The following ZNF37A variants were observed in gnomAD, a reference collection of about 807,000 sequenced individuals.
ZNF37A encodes zinc finger protein 37a (KOX 21).
A neutral mutation model predicts 12.3 loss-of-function variants in ZNF37A; 10 were observed. The observed-to-expected ratio is 0.82, with a 90% confidence interval of 0.50 to 1.38. The LOEUF is 1.38. Among genes scored for constraint, ZNF37A ranks in the 40% most tolerant of loss-of-function variants. ZNF37A has a pLI of 0.00. For synonymous variants in ZNF37A, 207 were observed against 223.0 expected, an observed-to-expected ratio of 0.93 and a Z score of 0.64; for missense variants, 580 against 651.2, an observed-to-expected ratio of 0.89 and a Z score of 1.19.
chr10:38,097,138 C>T (rs938505773), intron 5 of ZNF37A, among the ~76,000 whole-genome samples: 2 of 152,204 alleles, frequency 1.3e-5, no homozygotes, highest in Admixed American at 1.3e-4. Context: ...GAACATAAAA[C>T]AGTTTGTCAA....
At position 38,115,066 on chromosome 10, in the gene ZNF37A, A is replaced by AGTGTGTGTGTGTGTGT. The variant is rs56124182; in HGVS notation, c.143-94_143-79dup. On this transcript the variant is annotated intron_variant, in intron 6 of 7. Coordinates refer to ENST00000685332, the MANE Select transcript of ZNF37A (RefSeq NM_001324250.3). ...CTGCCCCCATGACAGGATTAAATGA[A>AGTGTGTGTGTGTGTGT]GTGTGTGTGTGTGTGTGTGTGTGTG... 1.7e-4 allele frequency: 105 copies of AGTGTGTGTGTGTGTGT among 621,542 alleles called. 1 individual carries two copies. The highest frequency in any genetic ancestry group is 2.9e-4 in the South Asian group (11 of 37,406). The allele number at this position is 621,542 out of a possible 1,614,324, so 38.5% of individuals were successfully genotyped here.
chr10:38,133,113 A>AC (rs1321737423), intron 7 of ZNF37A, among the ~76,000 whole-genome samples: 1 of 152,146 alleles, frequency 6.6e-6, no homozygotes, highest in Non-Finnish European at 1.5e-5. Context: ...TGCATGTAAT[A>AC]TATTTTACTA....
downstream of ZNF37A, among the ~76,000 whole-genome samples, chr10:38,126,200 A>G (rs1590936792): frequency 1.3e-5 from 2 of 152,228 alleles, no homozygotes; most frequent in Admixed American, 6.5e-5. Flanking sequence ...CAATAAACCA[A>G]TCGTTAGGAC....
At chr10:38,129,304 T>TAAAAAAAAAAAAAA (rs775705417), downstream of ZNF37A, among the ~76,000 whole-genome samples, 44 of 56,870 alleles carry the variant, frequency 7.7e-4, no homozygotes, top group African/African-American at 1.8e-3. Flanking sequence ...AGACTCTGTC[T>TAAAAAAAAAAAAAA]AAAAAAAAAA....
At chr10:38,111,072 T>C (rs1037572316) in intron 5 of ZNF37A, among the ~76,000 whole-genome samples, 1 of 152,120 alleles carries the variant, frequency 6.6e-6, no homozygotes, top group African/African-American at 2.4e-5. Flanking sequence ...AGCAAAGACT[T>C]GGAACCAACC....
intron 7 of ZNF37A, among the ~76,000 whole-genome samples, chr10:38,144,721 G>T (rs962384216): frequency 2.6e-5 from 4 of 152,030 alleles, no homozygotes; most frequent in African/African-American, 9.7e-5. Flanking sequence ...CTGCTTGGAT[G>T]AAGTTGAAAA....
intron 5 of ZNF37A, among the ~76,000 whole-genome samples, chr10:38,107,738 G>A (rs1196377398): frequency 6.6e-6 from 1 of 152,138 alleles, no homozygotes; most frequent in Non-Finnish European, 1.5e-5. Context: ...AACCAACGAA[G>A]ATCAAAAGAG....
intron 5 of ZNF37A, among the ~76,000 whole-genome samples, chr10:38,097,707 C>A (rs1409744568): frequency 6.7e-6 from 1 of 150,094 alleles, no homozygotes; most frequent in Non-Finnish European, 1.5e-5. Flanking sequence ...ATGTGGCAGG[C>A]TTTGTGACAG....
In ZNF37A at chr10:38,114,803, T is replaced by C. The variant is rs1193572147; in HGVS notation, c.64T>C (p.Trp22Arg). The C allele has an allele frequency of 3.7e-6, 6 of 1,613,460 alleles. No homozygotes were observed. The highest frequency in any genetic ancestry group is 5.1e-6 in the Non-Finnish European group (6 of 1,179,908). ...DVTVGFTQEE[W>R]QHLDPAQRTL... ...GACTGTGGGCTTCACTCAAGAGGAG[T>C]GGCAGCATCTGGACCCTGCTCAGAG... The change falls in exon 6 of 8, where the codon TGG becomes CGG. Residue 22 changes from tryptophan (W) to arginine (R), a missense_variant. Coordinates refer to ENST00000685332, the MANE Select transcript of ZNF37A (RefSeq NM_001324250.3).
intron 5 of ZNF37A, among the ~76,000 whole-genome samples, chr10:38,109,672 A>G (rs2068464359): frequency 6.6e-6 from 1 of 152,226 alleles, no homozygotes; most frequent in Non-Finnish European, 1.5e-5. Flanking sequence ...ACGTGCAAAA[A>G]TGACCACCAG....
chr10:38,106,009 T>G (rs2068046364), intron 5 of ZNF37A, among the ~76,000 whole-genome samples: 1 of 152,246 alleles, frequency 6.6e-6, no homozygotes, highest in African/African-American at 2.4e-5. Context: ...GGCTAGAACT[T>G]TTAATACAGT....
intron 7 of ZNF37A, chr10:38,139,644 G>C (rs1014677449): frequency 6.6e-6 from 1 of 152,146 alleles, no homozygotes; most frequent in African/African-American, 2.4e-5. Context: ...GGGATTATAG[G>C]TGTACACCAC....
exon 8 of ZNF37A, chr10:38,150,073 C>T (rs892527655): frequency 2.4e-4 from 36 of 152,272 alleles, no homozygotes; most frequent in African/African-American, 8.0e-4. Flanking sequence ...CATCTTGTAC[C>T]TGCACTTGCA....
At chr10:38,098,361 A>C (rs1389422202) in intron 5 of ZNF37A, among the ~76,000 whole-genome samples, 1 of 152,186 alleles carries the variant, frequency 6.6e-6, no homozygotes, top group Non-Finnish European at 1.5e-5. Context: ...TCATATGGTA[A>C]GTTTACGTTT....
At chr10:38,139,363 G>A (rs545717779) in intron 7 of ZNF37A, 97 of 151,874 alleles carry the variant, frequency 6.4e-4, no homozygotes, top group African/African-American at 2.2e-3. Context: ...TTCTTCAATG[G>A]TTTGATATAT....
At position 38,124,573 on chromosome 10, in the gene ZNF37A, C is replaced by G. The variant is rs1204763602; in HGVS notation, c.*5736C>G. The G allele has an allele frequency of 6.6e-6, 1 of 152,034 alleles. No individual in the cohort carries two copies. Among genetic ancestry groups the G allele is most frequent in the Non-Finnish European group, 1.5e-5 (1 of 68,000 alleles). 9.4% of individuals were successfully genotyped at this position (152,034 alleles called of 1,614,324 possible). A position where few individuals can be genotyped will look rare whatever the true frequency, so the allele number is the denominator to read the frequency against. On this transcript the variant is annotated 3_prime_UTR_variant, in exon 8 of 8. Coordinates refer to ENST00000685332, the MANE Select transcript of ZNF37A (RefSeq NM_001324250.3). ...TCATGTACCCCATAGATATATACAC[C>G]TAGTATGTACCCACAAAAATTAAAA...
At chr10:38,112,064 T>C (rs962714202) in intron 5 of ZNF37A, among the ~76,000 whole-genome samples, 1 of 151,336 alleles carries the variant, frequency 6.6e-6, no homozygotes, top group Admixed American at 6.6e-5. Flanking sequence ...TCTCTCTCTT[T>C]AGCTTGTGTT....
At position 38,120,377 on chromosome 10, in the gene ZNF37A, TGAG is replaced by T. The variant is rs1028012007; in HGVS notation, c.*1541_*1543del. ...CTGGGAGGTGGGGGTTTCAGTGAGC[TGAG>T]ATCATGCCACTGCACTCCAGCCTGA... On this transcript the variant is annotated 3_prime_UTR_variant, in exon 8 of 8. Transcript: ENST00000685332. 3 of 152,086 alleles carry T rather than the reference TGAG, an allele frequency of 2.0e-5. No homozygotes were observed. The highest frequency in any genetic ancestry group is 6.6e-5 in the Admixed American group (1 of 15,244). The allele number at this position is 152,086 out of a possible 1,614,324, so 9.4% of individuals were successfully genotyped here.
chr10:38,118,957 G>GGAA lies in ZNF37A; in HGVS notation c.*120_*121insGAA, dbSNP rs1564374878. 13 of 1,335,304 alleles carry GGAA rather than the reference G, an allele frequency of 9.7e-6. No individual in the cohort carries two copies. The highest frequency in any genetic ancestry group is 3.5e-5 in the Admixed American group (1 of 28,970). 82.7% of individuals were successfully genotyped at this position (1,335,304 alleles called of 1,614,324 possible). On this transcript the variant is annotated 3_prime_UTR_variant, in exon 8 of 8. Coordinates refer to ENST00000685332, the MANE Select transcript of ZNF37A (RefSeq NM_001324250.3). ...CAGTATAGAAGAGAACTTAAAGAGG[G>GGAA]AAAAAACAATATGAAGATAGGGAAT...
Sources: gnomAD v4.1 joint callset for allele counts (sites outside exome capture counted in the v4.1 genomes callset) on GRCh38, gnomAD v4.1.1 for gene constraint, MANE v1.5 for transcripts, NCBI Gene and HGNC (gene_info 2026-07-23, HGNC 2026-07-21) for gene names.